Variants in FNTA observed in about 807,000 individuals in gnomAD.
The protein encoded by FNTA is protein farnesyltransferase/geranylgeranyltransferase type-1 subunit alpha.
A neutral mutation model predicts 55.2 loss-of-function variants in FNTA; 27 were observed. That is an observed-to-expected ratio of 0.49 (90% CI 0.36 to 0.67). The LOEUF is 0.67. Ranked by LOEUF, FNTA falls within the 30% of genes least tolerant of loss-of-function variation. The probability of loss-of-function intolerance (pLI) is 0.00; values close to 1 mark genes in which losing one functional copy is unlikely to be tolerated. For synonymous variants in FNTA, 176 were observed against 170.7 expected, an observed-to-expected ratio of 1.03 and a Z score of -0.24; for missense variants, 422 against 464.7, an observed-to-expected ratio of 0.91 and a Z score of 0.85.
chr8:43,069,497 T>C (rs1586656919), intron 3 of FNTA, 58 bp from the exon 4 acceptor site: 1 of 1,057,874 alleles, frequency 9.5e-7, no homozygotes, highest in Non-Finnish European at 1.5e-6. Context: ...TATTTGATAT[T>C]GTTATTAGGG....
At chr8:43,077,445 G>T in intron 6 of FNTA, 81 bp downstream of exon 6, 1 of 1,105,226 alleles carries the variant, frequency 9.0e-7, no homozygotes, top group Admixed American at 2.1e-5. Context: ...GGATACAGCA[G>T]ATCAAGATCC....
chr8:43,079,517 GT>G (rs1338405934), intron 6 of FNTA: 2 of 12,658 alleles, frequency 1.6e-4, no homozygotes, highest in African/African-American at 2.2e-4. Context: ...TTTGAGGTCT[GT>G]TGTTCAGAAA....
At chr8:43,082,270 AC>A (rs1225395944) in intron 6 of FNTA, 1 of 152,230 alleles carries the variant, frequency 6.6e-6, no homozygotes, top group Non-Finnish European at 1.5e-5. Flanking sequence ...ACCCATTTTG[AC>A]AGGGAATCAC....
At position 43,064,121 on chromosome 8, in the gene FNTA, T is replaced by C; in HGVS notation, c.307T>C (p.Phe103Leu). The change falls in exon 3 of 9, where the codon TTC becomes CTC. Residue 103 changes from phenylalanine to leucine, a missense_variant. Phe to Leu is a conservative substitution (Grantham distance 22). Coordinates refer to ENST00000302279, the MANE Select transcript of FNTA (RefSeq NM_002027.3). Reference sequence around the variant, plus strand: ...TCTAGTTAGAGATGTTTATGATTACTTCCGAGCTGTCCTGCAGCGTGATGA... The same window carrying C: ...TCTAGTTAGAGATGTTTATGATTACCTCCGAGCTGTCCTGCAGCGTGATGA... ...SDKFRDVYDYFRAVLQRDERS... is the reference protein window; with the variant it reads ...SDKFRDVYDYLRAVLQRDERS... 6.2e-7 allele frequency: 1 copy of C among 1,613,304 alleles called. No individual in the cohort carries two copies.
Position 43,077,501 on chromosome 8 carries a change from G to A in FNTA, c.782+137G>A, listed in dbSNP as rs572883081. The A allele has an allele frequency of 6.2e-6, 3 of 480,600 alleles. No homozygotes were observed. In the South Asian group the frequency reaches 1.9e-4, roughly 31 times the overall value. 29.8% of individuals were successfully genotyped at this position (480,600 alleles called of 1,614,324 possible). ...GGACAGAGTACTGAGTGGAACATAGGATGATAGATTTACAAATAATGTAGC... is the reference window on the plus strand; with the variant it reads ...GGACAGAGTACTGAGTGGAACATAGAATGATAGATTTACAAATAATGTAGC... On this transcript the variant is annotated intron_variant, in intron 6 of 8. Coordinates refer to ENST00000302279, the MANE Select transcript of FNTA (RefSeq NM_002027.3).
rs557026395 is a variant in FNTA, at chr8:43,065,503, T to A, written c.401+1288T>A. Among the ~76,000 whole-genome samples the A allele has an allele frequency of 1.7e-4, 26 of 152,288 alleles. 1 individual carries two copies. The highest frequency in any genetic ancestry group is 5.8e-4 in the African/African-American group (24 of 41,538). ...CTCGGGTGATCCACCAGTCTCAGCC[T>A]CCCAAAGTACTGGGATTATAGGCGT... On this transcript the variant is annotated intron_variant, in intron 3 of 8. Transcript: ENST00000302279.
At chr8:43,064,471 C>G (rs898194038) in intron 3 of FNTA, among the ~76,000 whole-genome samples, 2 of 151,962 alleles carry the variant, frequency 1.3e-5, no homozygotes, top group African/African-American at 4.8e-5. Flanking sequence ...CACCACCACG[C>G]CCAGCTAATT....
chr8:43,080,678 A>G (rs960246051), intron 6 of FNTA: 1 of 152,234 alleles, frequency 6.6e-6, no homozygotes, highest in South Asian at 2.1e-4. Context: ...AATTAAAAAT[A>G]CAATTATTTC....
At chr8:43,057,818 C>T (rs1810444896) in intron 1 of FNTA, among the ~76,000 whole-genome samples, 1 of 151,966 alleles carries the variant, frequency 6.6e-6, no homozygotes, top group South Asian at 2.1e-4. Context: ...ATTAGCCGGG[C>T]GTGGTGGCGG....
chr8:43,056,375 C>A lies in FNTA; in HGVS notation c.29C>A (p.Ala10Asp). The A allele has an allele frequency of 6.8e-7, 1 of 1,466,584 alleles. No homozygotes were observed. 90.8% of individuals were successfully genotyped at this position (1,466,584 alleles called of 1,614,324 possible). The change falls in exon 1 of 9, where the codon GCT becomes GAT. Residue 10 changes from alanine (A) to aspartate (D), a missense_variant. Physicochemically the swap from Ala to Asp is moderately radical, Grantham distance 126. This residue lies in a region of FNTA where 160 missense variants were observed against 121.6 expected (regional missense o/e 1.32). Transcript: ENST00000302279. MAATEGVGEAAQGGEPGQPA... is the reference protein window; with the variant it reads MAATEGVGEDAQGGEPGQPA... Reference sequence around the variant, plus strand: ...GCGGCCACCGAGGGGGTCGGGGAGGCTGCGCAAGGGGGCGAGCCCGGGCAG... The same window carrying A: ...GCGGCCACCGAGGGGGTCGGGGAGGATGCGCAAGGGGGCGAGCCCGGGCAG...
At chr8:43,065,965 T>C (rs1810648521) in intron 3 of FNTA, among the ~76,000 whole-genome samples, 2 of 151,480 alleles carry the variant, frequency 1.3e-5, no homozygotes, top group East Asian at 1.9e-4. Context: ...CTTAGCTTCT[T>C]TTCAGGTTGA....
intron 2 of FNTA, among the ~76,000 whole-genome samples, chr8:43,059,696 GTTC>G (rs996824540): frequency 5.3e-5 from 8 of 152,072 alleles, no homozygotes; most frequent in African/African-American, 1.4e-4. Flanking sequence ...TTAATTGTTA[GTTC>G]TTCTAGGAAA....
At position 43,065,690 on chromosome 8, in the gene FNTA, T is replaced by G. The variant is rs756568027; in HGVS notation, c.401+1475T>G. On this transcript the variant is annotated intron_variant, in intron 3 of 8. Coordinates refer to ENST00000302279, the MANE Select transcript of FNTA (RefSeq NM_002027.3). ...TATTGAACACAGGTCATCCTTCAGT[T>G]TCATTTTTCTCTTCACCAATTGGAT... Among the ~76,000 whole-genome samples, 27 of 151,448 alleles carry G rather than the reference T, an allele frequency of 1.8e-4. 1 individual carries two copies. Among genetic ancestry groups the G allele is most frequent in the African/African-American group, 6.1e-4 (25 of 40,698 alleles).
chr8:43,084,746 T>C lies in FNTA; in HGVS notation c.882T>C (p.Asn294=). 1 of 1,613,118 alleles carries C rather than the reference T, an allele frequency of 6.2e-7. No homozygotes were observed. The highest frequency in any genetic ancestry group is 8.5e-7 in the Non-Finnish European group (1 of 1,179,632). ...ATCGTGGTCTTTCCAAATATCCTAA[T>C]CTGTTAAATCAATTACTTGATTTAC... ...LQDRGLSKYP[N]LLNQLLDLQP... is the part of the protein sequence containing the mutation. Residue 294 remains asparagine (N), a synonymous_variant, in exon 8 of 9, where the codon AAT becomes AAC. Coordinates refer to ENST00000302279, the MANE Select transcript of FNTA (RefSeq NM_002027.3).
chr8:43,073,686 C>A (rs1379381756), intron 5 of FNTA: 2 of 151,866 alleles, frequency 1.3e-5, no homozygotes, highest in Non-Finnish European at 2.9e-5. Flanking sequence ...TTATGTGAGT[C>A]AGTGGTTCTC....
intron 3 of FNTA, among the ~76,000 whole-genome samples, chr8:43,067,926 G>C (rs960155007): frequency 6.6e-6 from 1 of 152,078 alleles, no homozygotes; most frequent in Non-Finnish European, 1.5e-5. Flanking sequence ...TTGAGACGGA[G>C]TCTTGCTCTG....
At chr8:43,078,898 A>G (rs1044616613) in intron 6 of FNTA, 2 of 152,284 alleles carry the variant, frequency 1.3e-5, no homozygotes, top group Non-Finnish European at 2.9e-5. Flanking sequence ...CCTGGACAAA[A>G]CAGCATTATT....
chr8:43,059,045 C>A, intron 1 of FNTA, 47 bp from the exon 2 acceptor site: 1 of 1,322,664 alleles, frequency 7.6e-7, no homozygotes, highest in South Asian at 1.2e-5. Context: ...AGTCCCTTTT[C>A]TTCTGTATTT....
In FNTA at chr8:43,059,113, T is replaced by C; in HGVS notation, c.222T>C (p.Asp74=). 6.2e-7 allele frequency: 1 copy of C among 1,613,768 alleles called. No homozygotes were observed. The highest frequency in any genetic ancestry group is 8.5e-7 in the Non-Finnish European group (1 of 1,179,934). Reference sequence around the variant, plus strand: ...TCAGGGACAGAGCAGAATGGGCTGATATAGATCCGGTGCCGCAGAATGATG... The same window carrying C: ...TCAGGGACAGAGCAGAATGGGCTGACATAGATCCGGTGCCGCAGAATGATG... ...VLYRDRAEWA[D]IDPVPQNDGP... Residue 74 remains aspartate, a synonymous_variant, in exon 2 of 9, where the codon GAT becomes GAC. Coordinates refer to ENST00000302279, the MANE Select transcript of FNTA (RefSeq NM_002027.3).
Sources: gnomAD v4.1 joint callset for allele counts (sites outside exome capture counted in the v4.1 genomes callset) on GRCh38, gnomAD v4.1.1 for gene constraint, gnomAD v4.1.1 regional missense constraint, MANE v1.5 for transcripts, NCBI Gene and HGNC (gene_info 2026-07-23, HGNC 2026-07-21) for gene names.